Variants in NALF1 observed in about 807,000 individuals in gnomAD.
NALF1 encodes family with sequence similarity 155 member A.
In NALF1, 3 loss-of-function variants were observed where a neutral mutation model predicts 48.4. The ratio of observed to expected loss-of-function variants is 0.06; its 90% CI spans 0.03 to 0.16. The LOEUF is 0.16. Among genes scored for constraint, NALF1 ranks in the 10% least tolerant of loss-of-function variants. The pLI is 1.00. For synonymous variants in NALF1, 262 were observed against 245.7 expected, an observed-to-expected ratio of 1.07 and a Z score of -0.62; for missense variants, 526 against 571.5, an observed-to-expected ratio of 0.92 and a Z score of 0.81.
At chr13:107,667,688 C>A (rs190376751) in intron 1 of NALF1, among the ~76,000 whole-genome samples, 1 of 152,128 alleles carries the variant, frequency 6.6e-6, no homozygotes, top group Non-Finnish European at 1.5e-5. Context: ...TTCTAATTTG[C>A]TTCTAGAAAA....
intron 2 of NALF1, among the ~76,000 whole-genome samples, chr13:107,186,054 AG>A (rs1159223699): frequency 3.3e-5 from 5 of 152,322 alleles, no homozygotes; most frequent in African/African-American, 1.2e-4. Context: ...CATTTTGGCC[AG>A]GAAGTGAATC....
At chr13:107,790,272 A>T (rs1878192294) in intron 1 of NALF1, among the ~76,000 whole-genome samples, 1 of 152,228 alleles carries the variant, frequency 6.6e-6, no homozygotes, top group African/African-American at 2.4e-5. Context: ...ATAACATGAC[A>T]AAAAACATTT....
At chr13:107,317,470 A>G (rs1410325185) in intron 1 of NALF1, among the ~76,000 whole-genome samples, 3 of 152,040 alleles carry the variant, frequency 2.0e-5, no homozygotes, top group Non-Finnish European at 4.4e-5. Context: ...TAGAGGTTTA[A>G]AAACATGTAG....
At chr13:107,824,630 C>G (rs996024022) in intron 1 of NALF1, among the ~76,000 whole-genome samples, 2 of 152,182 alleles carry the variant, frequency 1.3e-5, no homozygotes, top group African/African-American at 4.8e-5. Context: ...CTGATTCAGA[C>G]AGAAAATCAT....
rs540717701 is a variant in NALF1, at chr13:107,322,389, GCTAATTTTAGATT to G, written c.916-111647_916-111635del. 4.7e-3 allele frequency among the ~76,000 whole-genome samples: 710 copies of G among 152,222 alleles called. 2 individuals are homozygous for G. Among genetic ancestry groups the G allele is most frequent in the Non-Finnish European group, 7.9e-3 (536 of 67,994 alleles). ...TAATCCATGGCATCAGACAGCATAT[GCTAATTTTAGATT>G]CTCGTGATGACTTATTATTAAGTAA... On this transcript the variant is annotated intron_variant, in intron 1 of 2. Transcript: ENST00000375915.
rs998428324 is a variant in NALF1 at position 107,168,399 on chromosome 13, G to A, written c.*2098C>T. 2 of 152,120 alleles carry A rather than the reference G, an allele frequency of 1.3e-5. No individual in the cohort carries two copies. Among genetic ancestry groups the A allele is most frequent in the South Asian group, 2.1e-4 (1 of 4,828 alleles). 9.4% of individuals were successfully genotyped at this position (152,120 alleles called of 1,614,324 possible). A position where few individuals can be genotyped will look rare whatever the true frequency, so the allele number is the denominator to read the frequency against. On this transcript the variant is annotated 3_prime_UTR_variant, in exon 3 of 3. Coordinates refer to ENST00000375915, the MANE Select transcript of NALF1 (RefSeq NM_001080396.3). ...CCCGAGCCATTCACTTCCTCAGCTTGTGTCCCCAGAAAAGCACCATGTTTC... is the reference window on the plus strand; with the variant it reads ...CCCGAGCCATTCACTTCCTCAGCTTATGTCCCCAGAAAAGCACCATGTTTC...
intron 1 of NALF1, among the ~76,000 whole-genome samples, chr13:107,329,661 G>A (rs1201314777): frequency 1.7e-5 from 1 of 59,992 alleles, no homozygotes; most frequent in Non-Finnish European, 3.2e-5. Flanking sequence ...CTCCCCCCAC[G>A]CCACAACAAT....
chr13:107,485,134 G>A (rs1006663309), intron 1 of NALF1, among the ~76,000 whole-genome samples: 5 of 152,120 alleles, frequency 3.3e-5, no homozygotes, highest in African/African-American at 4.8e-5. Context: ...ATGAAGCAGG[G>A]CTGCATTTGT....
At chr13:107,501,112 AT>A (rs200728446) in intron 1 of NALF1, among the ~76,000 whole-genome samples, 5 of 151,772 alleles carry the variant, frequency 3.3e-5, no homozygotes, top group South Asian at 4.2e-4. Context: ...TAATAATAAA[AT>A]TTAAAAAAAA....
At chr13:107,390,882 A>G (rs1208238115) in intron 1 of NALF1, among the ~76,000 whole-genome samples, 1 of 121,784 alleles carries the variant, frequency 8.2e-6, no homozygotes, top group Non-Finnish European at 1.9e-5. Context: ...GAAGGTTAAT[A>G]ATAATAATAA....
intron 1 of NALF1, among the ~76,000 whole-genome samples, chr13:107,341,683 T>C (rs990501733): frequency 1.3e-5 from 2 of 151,332 alleles, no homozygotes; most frequent in Non-Finnish European, 1.5e-5. Context: ...GGGATATACA[T>C]GTATATATGA....
intron 1 of NALF1, among the ~76,000 whole-genome samples, chr13:107,693,484 T>TA (rs1198502319): frequency 6.6e-6 from 1 of 151,238 alleles, no homozygotes; most frequent in African/African-American, 2.4e-5. Context: ...AAAATGAAAA[T>TA]AAAAAAACAG....
intron 1 of NALF1, among the ~76,000 whole-genome samples, chr13:107,391,316 C>T (rs562106542): frequency 2.3e-4 from 35 of 152,190 alleles, no homozygotes; most frequent in African/African-American, 8.2e-4. Context: ...AAATTCTCAT[C>T]AGATGGGTTT....
chr13:107,353,137 TC>T lies in NALF1; in HGVS notation c.916-142383del, dbSNP rs144342880. On this transcript the variant is annotated intron_variant, in intron 1 of 2. Transcript: ENST00000375915. ...TCAAAAAAATTGTCTGCAGTCCTCA[TC>T]CCCCCACTTCCCTACGGAAAAGGGT... 9.5e-3 allele frequency among the ~76,000 whole-genome samples: 1,440 copies of T among 152,042 alleles called. 6 individuals carry two copies. The highest frequency in any genetic ancestry group is 0.017 in the Middle Eastern group (5 of 294).
chr13:107,459,439 C>G (rs889841475), intron 1 of NALF1, among the ~76,000 whole-genome samples: 1 of 151,754 alleles, frequency 6.6e-6, no homozygotes, highest in Non-Finnish European at 1.5e-5. Context: ...AATAAAAAAG[C>G]CTTTCTCAGC....
At chr13:107,779,030 C>A (rs1268173668) in intron 1 of NALF1, among the ~76,000 whole-genome samples, 1 of 152,120 alleles carries the variant, frequency 6.6e-6, no homozygotes, top group Non-Finnish European at 1.5e-5. Context: ...CTGCTTCTTT[C>A]TTTTATAGGT....
At chr13:107,440,915 A>G (rs965758874) in intron 1 of NALF1, among the ~76,000 whole-genome samples, 5 of 152,160 alleles carry the variant, frequency 3.3e-5, no homozygotes, top group African/African-American at 1.2e-4. Flanking sequence ...ATAAATAAAC[A>G]AGACCGCCCC....
chr13:107,482,207 C>G (rs958906251), intron 1 of NALF1, among the ~76,000 whole-genome samples: 1 of 152,096 alleles, frequency 6.6e-6, no homozygotes, highest in African/African-American at 2.4e-5. Context: ...GCTCTGCCTC[C>G]AGATGGCCTT....
chr13:107,816,805 A>T (rs72657268), intron 1 of NALF1, among the ~76,000 whole-genome samples: 1 of 151,998 alleles, frequency 6.6e-6, no homozygotes, highest in Non-Finnish European at 1.5e-5. Flanking sequence ...TTTCATGCGG[A>T]GTGTGTCCAC....
Sources: allele counts gnomAD v4.1 joint callset (sites outside exome capture counted in the v4.1 genomes callset), GRCh38; gene constraint gnomAD v4.1.1; transcripts MANE v1.5; gene names NCBI Gene and HGNC (gene_info 2026-07-23, HGNC 2026-07-21).